RELL2: variants seen among roughly 807,000 people sequenced by gnomAD.
The protein encoded by RELL2 is RELT like 2, also known as RELT-like protein 2.
A neutral mutation model predicts 27.5 loss-of-function variants in RELL2; 18 were observed. The ratio of observed to expected loss-of-function variants is 0.65; its 90% CI spans 0.45 to 0.97. The LOEUF (loss-of-function observed/expected upper bound fraction) is 0.97. Among genes scored for constraint, RELL2 ranks in the 50% least tolerant of loss-of-function variants. The probability of loss-of-function intolerance (pLI) is 0.00; values close to 1 mark genes in which losing one functional copy is unlikely to be tolerated. For missense variants in RELL2, 370 were observed against 397.5 expected (o/e 0.93, Z 0.59); for synonymous variants, 156 against 147.5 (o/e 1.06, Z -0.42).
In RELL2 at chr5:141,639,813, A is replaced by T; in HGVS notation, c.504-107A>T. 7.4e-7 allele frequency: 1 copy of T among 1,349,866 alleles called. No homozygotes were observed. Among genetic ancestry groups the T allele is most frequent in the Non-Finnish European group, 1.0e-6 (1 of 956,118 alleles). The allele number at this position is 1,349,866 out of a possible 1,614,324, so 83.6% of individuals were successfully genotyped here. ...AATCTGAGAAGGCCTCCCCTACCTT[A>T]GGCCAGAGGGAAGTAGCCACCAAAC... is the stretch of plus-strand genomic sequence containing the variant. On this transcript the variant is annotated intron_variant, in intron 4 of 6. Transcript: ENST00000297164. This position sits in a 1 kb window ranked among gnomAD's most constrained non-coding sequence, Gnocchi z 4.4.
Position 141,640,712 on chromosome 5 carries a change from G to A in RELL2, c.*43G>A. Reference sequence around the variant, plus strand: ...GATGGACTACCAGCTGGCAGGGCCAGGGGGTGGGTGGGCGTGAAAGCCCTC... The same window carrying A: ...GATGGACTACCAGCTGGCAGGGCCAAGGGGTGGGTGGGCGTGAAAGCCCTC... On this transcript the variant is annotated 3_prime_UTR_variant, in exon 7 of 7. Transcript: ENST00000297164. 3 of 1,528,596 alleles carry A rather than the reference G, an allele frequency of 2.0e-6. No individual in the cohort carries two copies. In the South Asian group the frequency reaches 3.6e-5, roughly 18 times the overall value. 94.7% of individuals were successfully genotyped at this position (1,528,596 alleles called of 1,614,324 possible). A position where few individuals can be genotyped will look rare whatever the true frequency, so the allele number is the denominator to read the frequency against.
chr5:141,638,994 AAGG>A lies in RELL2; in HGVS notation c.293_295del (p.Gly98del). 3 of 1,614,116 alleles carry A rather than the reference AAGG, an allele frequency of 1.9e-6. No homozygotes were observed. The highest frequency in any genetic ancestry group is 1.7e-6 in the Non-Finnish European group (2 of 1,179,992). ...TTGAAGGAGATGCTGGGGGACAGTGAAGGAGAAGGGACAGTGCAGCTGTCCAGG... is the reference window on the plus strand; with the variant it reads ...TTGAAGGAGATGCTGGGGGACAGTGAAGAAGGGACAGTGCAGCTGTCCAGG... On this transcript the variant is annotated inframe_deletion, in exon 3 of 7. Coordinates refer to ENST00000297164, the MANE Select transcript of RELL2 (RefSeq NM_173828.5).
Position 141,639,898 on chromosome 5 carries a change from CCA to C in RELL2, c.504-21_504-20del. The stretch of plus-strand genomic sequence containing the variant: ...AGCCTCTGAGTTGTGGTCCTAAACC[CCA>C]GTGTTCCCTCCCCTCCCAGGTTCCG... On this transcript the variant is annotated intron_variant, in intron 4 of 6. Coordinates refer to ENST00000297164, the MANE Select transcript of RELL2 (RefSeq NM_173828.5). The surrounding 1 kb of genome is among the most constrained non-coding windows in gnomAD (Gnocchi z 4.4). The C allele has an allele frequency of 6.2e-7, 1 of 1,613,288 alleles. No individual in the cohort carries two copies. The highest frequency in any genetic ancestry group is 1.3e-5 in the African/African-American group (1 of 75,050).
In RELL2 at chr5:141,640,212, G is replaced by A. The variant is rs758833121; in HGVS notation, c.796G>A (p.Ala266Thr). Residue 266 changes from alanine to threonine, a missense_variant, in exon 5 of 7, where the codon GCC becomes ACC. Ala to Thr is a moderately conservative substitution (Grantham distance 58). Transcript: ENST00000297164. ...PRASAEPTLR[A>T]GGRGPSPGLP... ...AGCTTCTGCAGAGCCAACACTGAGG[G>A]CCGGAGGGAGGGGCCCAAGCCCAGG... is the stretch of plus-strand genomic sequence containing the variant. 16 of 1,614,066 alleles carry A rather than the reference G, an allele frequency of 9.9e-6. No homozygotes were observed. Among genetic ancestry groups the A allele is most frequent in the Non-Finnish European group, 1.4e-5 (16 of 1,180,024 alleles).
chr5:141,639,347 G>C lies in RELL2; in HGVS notation c.318-117G>C. On this transcript the variant is annotated intron_variant, in intron 3 of 6. Transcript: ENST00000297164. The surrounding 1 kb of genome is among the most constrained non-coding windows in gnomAD (Gnocchi z 4.4). ...TATTAGATAAAGACAAGAAAAAATG[G>C]GGCTTGGGGAAATTGGGGCTTCTGG... 1 of 772,898 alleles carries C rather than the reference G, an allele frequency of 1.3e-6. No individual in the cohort carries two copies. The highest frequency in any genetic ancestry group is 2.1e-6 in the Non-Finnish European group (1 of 487,730). 47.9% of individuals were successfully genotyped at this position (772,898 alleles called of 1,614,324 possible).
Position 141,640,433 on chromosome 5 carries a change from G to A in RELL2, c.901G>A (p.Gly301Arg), listed in dbSNP as rs766941038. 3.7e-6 allele frequency: 6 copies of A among 1,614,182 alleles called. No homozygotes were observed. Among genetic ancestry groups the A allele is most frequent in the South Asian group, 1.1e-5 (1 of 91,088 alleles). ...DHQVSLPQGA[G>R]SM ...TCAGGTGTCTCTACCACAGGGAGCA[G>A]GGAGTATGTGAGGTGAGTCTGCCTG... Residue 301 changes from glycine to arginine, a missense_variant, in exon 6 of 7, where the codon GGG becomes AGG. Transcript: ENST00000297164.
rs1213127850 is a variant in RELL2 at position 141,637,069 on chromosome 5, G to T, written c.-1157G>T. On this transcript the variant is annotated 5_prime_UTR_variant, in exon 1 of 7. Coordinates refer to ENST00000297164, the MANE Select transcript of RELL2 (RefSeq NM_173828.5). The stretch of plus-strand genomic sequence containing the variant: ...CGAGGGCCATTTGTCTCCGGCCGGG[G>T]GTCAGATCCTCGGGAAGCCGAGCCA... The T allele has an allele frequency of 1.2e-5, 4 of 334,558 alleles. No homozygotes were observed. In the South Asian group the frequency reaches 4.1e-4, roughly 34 times the overall value. 20.7% of individuals were successfully genotyped at this position (334,558 alleles called of 1,614,324 possible).
At position 141,637,051 on chromosome 5, in the gene RELL2, C is replaced by T. The variant is rs906538499; in HGVS notation, c.-1175C>T. On this transcript the variant is annotated 5_prime_UTR_variant, in exon 1 of 7. Coordinates refer to ENST00000297164, the MANE Select transcript of RELL2 (RefSeq NM_173828.5). ...AGCATAGCTCCTAGGATGCGAGGGCCATTTGTCTCCGGCCGGGGGTCAGAT... is the reference window on the plus strand; with the variant it reads ...AGCATAGCTCCTAGGATGCGAGGGCTATTTGTCTCCGGCCGGGGGTCAGAT... The T allele has an allele frequency of 1.7e-5, 6 of 349,250 alleles. No individual in the cohort carries two copies. The highest frequency in any genetic ancestry group is 1.1e-4 in the African/African-American group (5 of 46,678). 21.6% of individuals were successfully genotyped at this position (349,250 alleles called of 1,614,324 possible). A position where few individuals can be genotyped will look rare whatever the true frequency, so the allele number is the denominator to read the frequency against.
In RELL2 at chr5:141,641,018, GC is replaced by G. The variant is rs2099906826; in HGVS notation, c.*351del. The stretch of plus-strand genomic sequence containing the variant: ...CACAAGAGGCCCAGGCCCTGGCCTG[GC>G]CTTCGTGCCCTTTATTCATTGTCAA... On this transcript the variant is annotated 3_prime_UTR_variant, in exon 7 of 7. Transcript: ENST00000297164. 2.6e-6 allele frequency: 1 copy of G among 391,424 alleles called. No homozygotes were observed. The highest frequency in any genetic ancestry group is 2.0e-5 in the African/African-American group (1 of 48,798). The allele number at this position is 391,424 out of a possible 1,614,324, so 24.2% of individuals were successfully genotyped here.
rs1229504838 is a variant in RELL2, at chr5:141,640,461, C to T, written c.*1+16C>T. ...AGTATGTGAGGTGAGTCTGCCTGAGCCCTAAATGAGGTAATCTCATCTTCC... is the reference window on the plus strand; with the variant it reads ...AGTATGTGAGGTGAGTCTGCCTGAGTCCTAAATGAGGTAATCTCATCTTCC... On this transcript the variant is annotated intron_variant, in intron 6 of 6. Transcript: ENST00000297164. 1 of 1,614,056 alleles carries T rather than the reference C, an allele frequency of 6.2e-7. No homozygotes were observed. The highest frequency in any genetic ancestry group is 1.1e-5 in the South Asian group (1 of 91,082).
rs2099906793 is a variant in RELL2 at position 141,640,852 on chromosome 5, C to T, written c.*183C>T. Reference sequence around the variant, plus strand: ...AGGTCACAGCCCCTCAGTCTCTTCTCCTTCCCCTGCCTGCAACAGGCTGCC... The same window carrying T: ...AGGTCACAGCCCCTCAGTCTCTTCTTCTTCCCCTGCCTGCAACAGGCTGCC... On this transcript the variant is annotated 3_prime_UTR_variant, in exon 7 of 7. Transcript: ENST00000297164. The T allele has an allele frequency of 3.3e-6, 2 of 604,046 alleles. No homozygotes were observed. The highest frequency in any genetic ancestry group is 6.1e-5 in the Admixed American group (2 of 32,968). 37.4% of individuals were successfully genotyped at this position (604,046 alleles called of 1,614,324 possible). A position where few individuals can be genotyped will look rare whatever the true frequency, so the allele number is the denominator to read the frequency against.
Position 141,640,019 on chromosome 5 carries a change from A to AG in RELL2, c.608dup (p.Gly204TrpfsTer22). 1.2e-6 allele frequency: 2 copies of AG among 1,613,350 alleles called. No individual in the cohort carries two copies. The highest frequency in any genetic ancestry group is 1.7e-6 in the Non-Finnish European group (2 of 1,179,644). On this transcript the variant is annotated frameshift_variant, in exon 5 of 7. Coordinates refer to ENST00000297164, the MANE Select transcript of RELL2 (RefSeq NM_173828.5). LOFTEE classifies it high-confidence loss of function. ...GGGGCTCTGGTGGGGGACAGGACCC[A>AG]GGGGGTGGTCAGGGGTCTGGGGGAG...
At position 141,640,655 on chromosome 5, in the gene RELL2, C is replaced by T; in HGVS notation, c.*2-16C>T. ...TTGAACAGGAAGCAACAGTGTTATT[C>T]TTCCTCTTCTCCAAGTCTCCTTCAT... On this transcript the variant is annotated splice_polypyrimidine_tract_variant and intron_variant, in intron 6 of 6. Transcript: ENST00000297164. 1.3e-6 allele frequency: 2 copies of T among 1,536,672 alleles called. No homozygotes were observed. Among genetic ancestry groups the T allele is most frequent in the Non-Finnish European group, 1.7e-6 (2 of 1,146,480 alleles).
intron 1 of RELL2, 137 bp from the exon 2 acceptor site, chr5:141,638,658 C>T: frequency 1.2e-6 from 1 of 821,162 alleles, no homozygotes; most frequent in Non-Finnish European, 2.0e-6. Flanking sequence ...TTTCTGGTCC[C>T]TGAAATGCTG....
In RELL2 at chr5:141,641,024, G is replaced by A. The variant is rs1024694156; in HGVS notation, c.*355G>A. ...AGGCCCAGGCCCTGGCCTGGCCTTC[G>A]TGCCCTTTATTCATTGTCAATAAAT... On this transcript the variant is annotated 3_prime_UTR_variant, in exon 7 of 7. Transcript: ENST00000297164. The A allele has an allele frequency of 1.8e-5, 7 of 382,736 alleles. No homozygotes were observed. The highest frequency in any genetic ancestry group is 4.1e-5 in the African/African-American group (2 of 48,526). 23.7% of individuals were successfully genotyped at this position (382,736 alleles called of 1,614,324 possible).
At position 141,640,410 on chromosome 5, in the gene RELL2, A is replaced by C. The variant is rs1177547824; in HGVS notation, c.880-2A>C. 31 of 1,613,992 alleles carry C rather than the reference A, an allele frequency of 1.9e-5. No homozygotes were observed. Among genetic ancestry groups the C allele is most frequent in the Non-Finnish European group, 2.3e-5 (27 of 1,179,994 alleles). ...ATTGTTGACCCCTCCCCTTTCTCTC[A>C]GGTGTCTCTACCACAGGGAGCAGGG... On this transcript the variant is annotated splice_acceptor_variant, in intron 5 of 6. Coordinates refer to ENST00000297164, the MANE Select transcript of RELL2 (RefSeq NM_173828.5). LOFTEE classifies it high-confidence loss of function.
Position 141,637,234 on chromosome 5 carries a change from G to A in RELL2, c.-992G>A. On this transcript the variant is annotated 5_prime_UTR_variant, in exon 1 of 7. Transcript: ENST00000297164. ...CCTCGGAGAAGATTCCTGACTCTCC[G>A]CTCGGTCGGGGCATCTGAGGGCAGG... The A allele has an allele frequency of 6.2e-6, 1 of 161,940 alleles. No homozygotes were observed. The highest frequency in any genetic ancestry group is 1.3e-5 in the Non-Finnish European group (1 of 74,950). 10.0% of individuals were successfully genotyped at this position (161,940 alleles called of 1,614,324 possible).
At position 141,639,781 on chromosome 5, in the gene RELL2, G is replaced by A. The variant is rs2099906617; in HGVS notation, c.503+132G>A. 2 of 1,278,478 alleles carry A rather than the reference G, an allele frequency of 1.6e-6. No individual in the cohort carries two copies. The highest frequency in any genetic ancestry group is 4.0e-5 in the Admixed American group (2 of 50,612). 79.2% of individuals were successfully genotyped at this position (1,278,478 alleles called of 1,614,324 possible). ...CGGCAGAAGTCAGGCTACACAATGT[G>A]CCCCACAATCTGAGAAGGCCTCCCC... On this transcript the variant is annotated intron_variant, in intron 4 of 6. Transcript: ENST00000297164. The surrounding 1 kb of genome is among the most constrained non-coding windows in gnomAD (Gnocchi z 4.4).
At position 141,639,517 on chromosome 5, in the gene RELL2, T is replaced by C; in HGVS notation, c.371T>C (p.Val124Ala). 6.2e-7 allele frequency: 1 copy of C among 1,613,966 alleles called. No individual in the cohort carries two copies. The highest frequency in any genetic ancestry group is 8.5e-7 in the Non-Finnish European group (1 of 1,179,988). The change falls in exon 4 of 7, where the codon GTG becomes GCG. Residue 124 changes from valine (V) to alanine (A), a missense_variant. By Grantham distance (64) the Val-to-Ala change is moderately conservative. Transcript: ENST00000297164. This position sits in a 1 kb window ranked among gnomAD's most constrained non-coding sequence, Gnocchi z 4.4. Reference sequence around the variant, plus strand: ...GGAGCCCCCTCCCATCATCACACAGTGCACCTGGGCTCTGCAGCCCCTTGC... The same window carrying C: ...GGAGCCCCCTCCCATCATCACACAGCGCACCTGGGCTCTGCAGCCCCTTGC... Reference protein sequence around the residue: ...QDGAPSHHHTVHLGSAAPCLH... With the variant: ...QDGAPSHHHTAHLGSAAPCLH...
Sources: allele counts gnomAD v4.1 joint callset, GRCh38; gene constraint gnomAD v4.1.1; non-coding constraint Gnocchi (gnomAD v3.1); transcripts MANE v1.5; gene names NCBI Gene and HGNC (gene_info 2026-07-23, HGNC 2026-07-21).